Variants in TRPC6 observed in about 807,000 individuals in gnomAD.
TRPC6 encodes the protein short transient receptor potential channel 6.
Under a neutral mutation model 90.7 loss-of-function variants are expected in TRPC6, and 55 were observed. The observed-to-expected ratio is 0.61, with a 90% confidence interval of 0.49 to 0.76. TRPC6 has a LOEUF of 0.76. TRPC6 is among the 30% of genes least tolerant of loss of function. The pLI, the probability that TRPC6 is intolerant of heterozygous loss-of-function variation, is 0.00. For synonymous variants in TRPC6, 393 were observed against 393.0 expected (o/e 1.00, Z 0.00); for missense variants, 989 against 1,122.7 (o/e 0.88, Z 1.70).
At chr11:101,453,465 C>G (rs367726555) in intron 12 of TRPC6, among the ~76,000 whole-genome samples, 185 bp downstream of exon 12, 4 of 152,158 alleles carry the variant, frequency 2.6e-5, no homozygotes, top group Admixed American at 2.6e-4. Context: ...GCACCTGTCC[C>G]CGCCTGTGGA....
At chr11:101,483,821 C>T (rs1162033959) in intron 4 of TRPC6, among the ~76,000 whole-genome samples, 2 of 152,124 alleles carry the variant, frequency 1.3e-5, no homozygotes, top group African/African-American at 4.8e-5. Flanking sequence ...TGACAATGAG[C>T]ACATTTCCTA....
chr11:101,490,875 A>G (rs964505194), intron 3 of TRPC6, among the ~76,000 whole-genome samples: 5 of 152,250 alleles, frequency 3.3e-5, no homozygotes, highest in African/African-American at 9.6e-5. Flanking sequence ...CTAATGCGGT[A>G]AAGAAGGAAT....
chr11:101,547,353 G>A (rs1258533831), intron 1 of TRPC6, among the ~76,000 whole-genome samples: 1 of 152,118 alleles, frequency 6.6e-6, no homozygotes. Flanking sequence ...AAACATTAAT[G>A]TAATATTTCC....
At chr11:101,455,170 G>T in intron 10 of TRPC6, 69 bp from the exon 11 acceptor site, 1 of 1,245,672 alleles carries the variant, frequency 8.0e-7, no homozygotes, top group Non-Finnish European at 1.2e-6. Context: ...AGTGAGATTA[G>T]TTATCTAATG....
chr11:101,503,953 A>G (rs1304134925), intron 2 of TRPC6, 71 bp downstream of exon 2: 3 of 1,590,310 alleles, frequency 1.9e-6, no homozygotes, highest in African/African-American at 2.7e-5. Flanking sequence ...TGCTGAGCAC[A>G]TGGGGGAAGC....
At chr11:101,552,266 A>C (rs1011743553) in intron 1 of TRPC6, among the ~76,000 whole-genome samples, 1 of 152,108 alleles carries the variant, frequency 6.6e-6, no homozygotes, top group Non-Finnish European at 1.5e-5. Context: ...TCTAGCTGTA[A>C]GAAACAAGAA....
At chr11:101,488,004 T>C (rs1859716097) in intron 4 of TRPC6, among the ~76,000 whole-genome samples, 2 of 152,162 alleles carry the variant, frequency 1.3e-5, no homozygotes, top group Non-Finnish European at 1.5e-5. Context: ...CGCCCACATA[T>C]TACGAATGTT....
intron 1 of TRPC6, among the ~76,000 whole-genome samples, chr11:101,545,186 T>C (rs1861273668): frequency 1.3e-5 from 2 of 150,150 alleles, no homozygotes; most frequent in Non-Finnish European, 1.5e-5. Flanking sequence ...ATTCAACCAA[T>C]TGTGGATCAA....
At chr11:101,560,823 C>G (rs942735133) in intron 1 of TRPC6, among the ~76,000 whole-genome samples, 2 of 152,056 alleles carry the variant, frequency 1.3e-5, no homozygotes, top group African/African-American at 4.8e-5. Flanking sequence ...GCACAGCCGT[C>G]AGAAGCATTG....
chr11:101,575,682 T>C (rs1862055845), intron 1 of TRPC6, among the ~76,000 whole-genome samples: 1 of 152,200 alleles, frequency 6.6e-6, no homozygotes, highest in African/African-American at 2.4e-5. Flanking sequence ...AATAGATTAA[T>C]GAATTAATGA....
Position 101,491,447 on chromosome 11 carries a change from GAGAA to G in TRPC6, c.1128+105_1128+108del, listed in dbSNP as rs1859807391. Reference sequence around the variant, plus strand: ...AGACTCCATCTCAAAAAAAAAAAAAGAGAAAAGAAAAGAAAATCCCAGCTTAATC... The same window carrying G: ...AGACTCCATCTCAAAAAAAAAAAAAGAAGAAAAGAAAATCCCAGCTTAATC... On this transcript the variant is annotated intron_variant, in intron 3 of 12. Coordinates refer to ENST00000344327, the MANE Select transcript of TRPC6 (RefSeq NM_004621.6). The G allele has an allele frequency of 4.5e-6, 6 of 1,323,362 alleles. No individual in the cohort carries two copies. In the African/African-American group the frequency reaches 9.1e-5, roughly 20 times the overall value. 82.0% of individuals were successfully genotyped at this position (1,323,362 alleles called of 1,614,324 possible).
intron 1 of TRPC6, among the ~76,000 whole-genome samples, chr11:101,545,656 CTCATCTGGAT>C (rs977293539): frequency 3.3e-5 from 5 of 152,178 alleles, no homozygotes; most frequent in African/African-American, 1.2e-4. Context: ...AGATAAAACA[CTCATCTGGAT>C]TCAGCCTTAA....
At chr11:101,558,212 T>C (rs1025166751) in intron 1 of TRPC6, among the ~76,000 whole-genome samples, 1 of 112,438 alleles carries the variant, frequency 8.9e-6, no homozygotes, top group Non-Finnish European at 1.8e-5. Context: ...TGTGTATACA[T>C]GTATATATGT....
chr11:101,452,534 C>G lies in TRPC6; in HGVS notation c.*421G>C, dbSNP rs1430478937. On this transcript the variant is annotated 3_prime_UTR_variant, in exon 13 of 13. Coordinates refer to ENST00000344327, the MANE Select transcript of TRPC6 (RefSeq NM_004621.6). ...GGCTACTTTTTCCCAAATTTCAGAG[C>G]TGGGAGTCCCCAGCAGGGGATCCAC... 2 of 180,778 alleles carry G rather than the reference C, an allele frequency of 1.1e-5. No homozygotes were observed. The highest frequency in any genetic ancestry group is 4.8e-5 in the African/African-American group (2 of 41,854). The allele number at this position is 180,778 out of a possible 1,614,324, so 11.2% of individuals were successfully genotyped here. A position where few individuals can be genotyped will look rare whatever the true frequency, so the allele number is the denominator to read the frequency against.
chr11:101,573,305 G>A lies in TRPC6; in HGVS notation c.170+10029C>T, dbSNP rs138621572. Among the ~76,000 whole-genome samples, 416 of 149,404 alleles carry A rather than the reference G, an allele frequency of 2.8e-3. 2 individuals carry two copies. The highest frequency in any genetic ancestry group is 9.5e-3 in the African/African-American group (392 of 41,434). ...ACTGGTATTCTACTTCAGAGGAAGCGTAGAACAGTAAAGGTAAAAGCAAAC... is the reference window on the plus strand; with the variant it reads ...ACTGGTATTCTACTTCAGAGGAAGCATAGAACAGTAAAGGTAAAAGCAAAC... On this transcript the variant is annotated intron_variant, in intron 1 of 12. Transcript: ENST00000344327.
chr11:101,471,153 A>G (rs1386183997), intron 9 of TRPC6, 30 bp downstream of exon 9: 2 of 1,610,176 alleles, frequency 1.2e-6, no homozygotes, highest in Non-Finnish European at 1.7e-6. Flanking sequence ...AAATTTAAGA[A>G]TACAATGATA....
Position 101,504,019 on chromosome 11 carries a change from C to A in TRPC6, c.945+5G>T. On this transcript the variant is annotated splice_donor_5th_base_variant and intron_variant, in intron 2 of 12. Coordinates refer to ENST00000344327, the MANE Select transcript of TRPC6 (RefSeq NM_004621.6). The stretch of plus-strand genomic sequence containing the variant: ...AGGGTGAAGTCTCTATTGTTAGTGA[C>A]CTACCTTGAACTCTTTCTCAATATT... The A allele has an allele frequency of 6.2e-7, 1 of 1,613,972 alleles. No homozygotes were observed. The highest frequency in any genetic ancestry group is 1.1e-5 in the South Asian group (1 of 91,068).
At chr11:101,553,075 T>C (rs1433090517) in intron 1 of TRPC6, among the ~76,000 whole-genome samples, 2 of 152,082 alleles carry the variant, frequency 1.3e-5, no homozygotes, top group Non-Finnish European at 2.9e-5. Flanking sequence ...GGAAGTAAGA[T>C]AGGGTGAGGT....
chr11:101,454,850 T>C (rs1460488897), intron 11 of TRPC6, among the ~76,000 whole-genome samples, 168 bp downstream of exon 11: 1 of 152,054 alleles, frequency 6.6e-6, no homozygotes, highest in Non-Finnish European at 1.5e-5. Flanking sequence ...AACTTATATA[T>C]CTCTGTCACT....
Sources: allele counts gnomAD v4.1 joint callset (sites outside exome capture counted in the v4.1 genomes callset), GRCh38; gene constraint gnomAD v4.1.1; transcripts MANE v1.5; gene names NCBI Gene and HGNC (gene_info 2026-07-23, HGNC 2026-07-21).